Variants in CADM1 observed in about 807,000 individuals in gnomAD.
CADM1 encodes the protein cell adhesion molecule 1.
CADM1 carries 15 observed loss-of-function variants against 53.1 expected under a neutral mutation model. The ratio of observed to expected loss-of-function variants is 0.28; its 90% confidence interval spans 0.19 to 0.44. The LOEUF (loss-of-function observed/expected upper bound fraction) is 0.44, where lower values mean the gene tolerates loss of function less well. Ranked by LOEUF, CADM1 falls within the 20% of genes least tolerant of loss-of-function variation. The pLI, the probability that CADM1 is intolerant of heterozygous loss-of-function variation, is 1.00. For synonymous variants in CADM1, 281 were observed against 243.0 expected (o/e 1.16, Z -1.45); for missense variants, 434 against 611.3 (o/e 0.71, Z 3.06).
intron 10 of CADM1, among the ~76,000 whole-genome samples, chr11:115,188,386 C>T (rs1050570004): frequency 1.3e-5 from 2 of 152,154 alleles, no homozygotes; most frequent in South Asian, 2.1e-4. Context: ...GAACTACATA[C>T]GAGCATAATT....
intron 1 of CADM1, among the ~76,000 whole-genome samples, chr11:115,404,327 GAAAAA>G (rs1216372271): frequency 1.5e-3 from 9 of 5,818 alleles, no homozygotes; most frequent in Admixed American, 3.4e-3. Context: ...ATCTGTCTCG[GAAAAA>G]AAAAAAAAAA....
At chr11:115,458,627 A>T (rs1051416079) in intron 1 of CADM1, among the ~76,000 whole-genome samples, 2 of 151,656 alleles carry the variant, frequency 1.3e-5, no homozygotes, top group African/African-American at 4.8e-5. Flanking sequence ...ATAAGGGGAG[A>T]GTGTTTTCCC....
chr11:115,407,045 T>C (rs1947334764), intron 1 of CADM1, among the ~76,000 whole-genome samples: 1 of 152,100 alleles, frequency 6.6e-6, no homozygotes, highest in South Asian at 2.1e-4. Flanking sequence ...CGGGTGTATG[T>C]ACAAGAGAGG....
chr11:115,438,365 A>T (rs752802806), intron 1 of CADM1, among the ~76,000 whole-genome samples: 12 of 152,142 alleles, frequency 7.9e-5, no homozygotes, highest in Non-Finnish European at 1.5e-4. Context: ...CAGCAGCAGT[A>T]TAATGCTGAC....
At chr11:115,265,627 C>T (rs775757667) in intron 1 of CADM1, among the ~76,000 whole-genome samples, 46 of 152,202 alleles carry the variant, frequency 3.0e-4, no homozygotes, top group Non-Finnish European at 1.2e-4. Flanking sequence ...TAAACACAAA[C>T]ACTACTTCTA....
chr11:115,362,893 C>G (rs1946065293), intron 1 of CADM1, among the ~76,000 whole-genome samples: 1 of 152,184 alleles, frequency 6.6e-6, no homozygotes, highest in African/African-American at 2.4e-5. Flanking sequence ...TATTATAAGT[C>G]TACCTAGAAA....
At position 115,172,685 on chromosome 11, in the gene CADM1, A is replaced by G. The variant is rs938224594; in HGVS notation, c.*3789T>C. ...CTTATACTTCTCTGCATCCCTCACC[A>G]TGCTGGACATACAGCAGGTGCTCAA... On this transcript the variant is annotated 3_prime_UTR_variant, in exon 12 of 12. Coordinates refer to ENST00000331581, the MANE Select transcript of CADM1 (RefSeq NM_001301043.2). The G allele has an allele frequency of 6.9e-6, 1 of 145,074 alleles. No homozygotes were observed. The highest frequency in any genetic ancestry group is 1.5e-5 in the Non-Finnish European group (1 of 67,148). 9.0% of individuals were successfully genotyped at this position (145,074 alleles called of 1,614,324 possible). A position where few individuals can be genotyped will look rare whatever the true frequency, so the allele number is the denominator to read the frequency against.
chr11:115,285,864 C>A (rs1416959314), intron 1 of CADM1, among the ~76,000 whole-genome samples: 1 of 152,066 alleles, frequency 6.6e-6, no homozygotes, highest in Non-Finnish European at 1.5e-5. Context: ...GGTGCCCCGC[C>A]AAGAGCCTGA....
chr11:115,363,351 C>G (rs1269976855), intron 1 of CADM1, among the ~76,000 whole-genome samples: 1 of 152,172 alleles, frequency 6.6e-6, no homozygotes, highest in Non-Finnish European at 1.5e-5. Flanking sequence ...CATCATTCAA[C>G]TTGTGGACCA....
intron 1 of CADM1, among the ~76,000 whole-genome samples, chr11:115,402,377 G>A (rs1209549646): frequency 2.0e-5 from 3 of 152,096 alleles, no homozygotes; most frequent in Non-Finnish European, 4.4e-5. Context: ...ACAAAAATTA[G>A]CTGGGTGTGG....
chr11:115,432,188 G>C (rs1477886862), intron 1 of CADM1, among the ~76,000 whole-genome samples: 2 of 151,892 alleles, frequency 1.3e-5, no homozygotes, highest in Non-Finnish European at 2.9e-5. Flanking sequence ...CTCATGATCT[G>C]CCTGCCTAGG....
In CADM1 at chr11:115,242,770, G is replaced by A. The variant is rs140285603; in HGVS notation, c.125-2350C>T. 1.1e-3 allele frequency among the ~76,000 whole-genome samples: 175 copies of A among 152,248 alleles called. 1 individual carries two copies. In the East Asian group the frequency reaches 0.029, roughly 25 times the overall value. ...GGTACATGTGGAAAGGCCTGGTGAC[G>A]GGCATTAATCCTTTCAACATAAACC... On this transcript the variant is annotated intron_variant, in intron 1 of 11. Coordinates refer to ENST00000331581, the MANE Select transcript of CADM1 (RefSeq NM_001301043.2).
chr11:115,253,101 A>AAC (rs1555050051), intron 1 of CADM1, among the ~76,000 whole-genome samples: 85 of 152,220 alleles, frequency 5.6e-4, no homozygotes, highest in South Asian at 2.1e-4. Context: ...ACAAACAAAC[A>AAC]ACACACACAC....
chr11:115,399,673 T>G (rs1361873871), intron 1 of CADM1, among the ~76,000 whole-genome samples: 1 of 152,224 alleles, frequency 6.6e-6, no homozygotes, highest in Non-Finnish European at 1.5e-5. Flanking sequence ...CTTTCAATTT[T>G]TCAAAGCCAT....
intron 8 of CADM1, among the ~76,000 whole-genome samples, chr11:115,206,398 C>T (rs1006662684): frequency 1.3e-5 from 2 of 152,148 alleles, no homozygotes; most frequent in Admixed American, 6.6e-5. Flanking sequence ...GTGCTCCCAC[C>T]CATGAGGGGT....
At chr11:115,330,739 C>G (rs1945109419) in intron 1 of CADM1, among the ~76,000 whole-genome samples, 1 of 152,112 alleles carries the variant, frequency 6.6e-6, no homozygotes, top group Non-Finnish European at 1.5e-5. Flanking sequence ...TTTGCAGATG[C>G]CCTTGTGTTC....
At chr11:115,500,227 C>T (rs1279122269) in intron 1 of CADM1, among the ~76,000 whole-genome samples, 2 of 152,126 alleles carry the variant, frequency 1.3e-5, no homozygotes, top group African/African-American at 4.8e-5. Context: ...AATTTCCATT[C>T]AAATTATAGC....
At chr11:115,304,369 C>T (rs1365126637) in intron 1 of CADM1, among the ~76,000 whole-genome samples, 1 of 152,040 alleles carries the variant, frequency 6.6e-6, no homozygotes, top group East Asian at 1.9e-4. Flanking sequence ...CATTTACATT[C>T]CTTGCAGCAG....
At chr11:115,291,117 C>T (rs914865114) in intron 1 of CADM1, among the ~76,000 whole-genome samples, 4 of 152,074 alleles carry the variant, frequency 2.6e-5, no homozygotes, top group Non-Finnish European at 5.9e-5. Flanking sequence ...TGTGGAGTGG[C>T]GCAGGAAATC....
Sources: gnomAD v4.1 joint callset for allele counts (sites outside exome capture counted in the v4.1 genomes callset) on GRCh38, gnomAD v4.1.1 for gene constraint, MANE v1.5 for transcripts, NCBI Gene and HGNC (gene_info 2026-07-23, HGNC 2026-07-21) for gene names.